FBN3: variants seen among roughly 807,000 people sequenced by gnomAD.
The protein encoded by FBN3 is fibrillin 3.
In FBN3, 234 loss-of-function variants were observed where a neutral mutation model predicts 330.1. The ratio of observed to expected loss-of-function variants is 0.71; its 90% confidence interval spans 0.64 to 0.79. The LOEUF is 0.79. Ranked by LOEUF, FBN3 falls within the 30% of genes least tolerant of loss-of-function variation. The probability of loss-of-function intolerance (pLI) is 0.00; values close to 1 mark genes in which losing one functional copy is unlikely to be tolerated. For synonymous variants in FBN3, 1,458 were observed against 1,517.3 expected (o/e 0.96, Z 0.91); for missense variants, 3,606 against 3,886.9 (o/e 0.93, Z 1.92).
chr19:8,102,592 G>T, intron 40 of FBN3, 132 bp downstream of exon 40: 1 of 856,446 alleles, frequency 1.2e-6, no homozygotes. Flanking sequence ...CTAATAGAGG[G>T]ACAAAACTTC....
At chr19:8,094,973 T>A (rs892455270) in intron 46 of FBN3, among the ~76,000 whole-genome samples, 1 of 152,168 alleles carries the variant, frequency 6.6e-6, no homozygotes, top group African/African-American at 2.4e-5. Context: ...ATAATTATTT[T>A]ATTTATTTAT....
chr19:8,134,719 A>AACCC (rs1482635101), intron 13 of FBN3, among the ~76,000 whole-genome samples: 1 of 151,978 alleles, frequency 6.6e-6, no homozygotes, highest in Non-Finnish European at 1.5e-5. Context: ...GGATCACCTG[A>AACCC]GGTCAGGAGT....
rs34549426 is a variant in FBN3, at chr19:8,076,247, C to CGTGT, written c.7454-840_7454-837dup. Among the ~76,000 whole-genome samples, 414 of 147,750 alleles carry CGTGT rather than the reference C, an allele frequency of 2.8e-3. 2 individuals are homozygous for CGTGT. Among genetic ancestry groups the CGTGT allele is most frequent in the South Asian group, 0.018 (80 of 4,544 alleles). ...AACCAGTGTATGGGTTGTCCGTGTG[C>CGTGT]GTGTGTGTGTGTGTGTGTGTGTGTG... is the stretch of plus-strand genomic sequence containing the variant. On this transcript the variant is annotated intron_variant, in intron 59 of 63. Coordinates refer to ENST00000600128, the MANE Select transcript of FBN3 (RefSeq NM_032447.5).
chr19:8,095,639 A>T lies in FBN3; in HGVS notation c.5657-136T>A, dbSNP rs2082192858. On this transcript the variant is annotated intron_variant, in intron 45 of 63. Transcript: ENST00000600128. ...GAGCACTCATGTATAGACTATGTATATTAGCCTTCTACCTATCTTATGAGG... is the reference window on the plus strand; with the variant it reads ...GAGCACTCATGTATAGACTATGTATTTTAGCCTTCTACCTATCTTATGAGG... 21 of 846,970 alleles carry T rather than the reference A, an allele frequency of 2.5e-5. No individual in the cohort carries two copies. In the South Asian group the frequency reaches 3.8e-4, roughly 15 times the overall value. 52.5% of individuals were successfully genotyped at this position (846,970 alleles called of 1,614,324 possible). A position where few individuals can be genotyped will look rare whatever the true frequency, so the allele number is the denominator to read the frequency against.
At chr19:8,117,854 C>T (rs1267958995) in intron 26 of FBN3, among the ~76,000 whole-genome samples, 1 of 152,034 alleles carries the variant, frequency 6.6e-6, no homozygotes, top group Non-Finnish European at 1.5e-5. Flanking sequence ...CGTGTGAACA[C>T]ACTCACCCTT....
At chr19:8,081,589 T>TA in intron 57 of FBN3, 109 bp from the exon 58 acceptor site, 2 of 1,265,638 alleles carry the variant, frequency 1.6e-6, no homozygotes, top group Non-Finnish European at 2.2e-6. Context: ...TCTGTGGACT[T>TA]ACACAGGAAT....
At chr19:8,147,078 C>CA in intron 3 of FBN3, 26 bp downstream of exon 3, 1 of 1,539,154 alleles carries the variant, frequency 6.5e-7, no homozygotes, top group Non-Finnish European at 8.7e-7. Context: ...TGTGCCCCCC[C>CA]ACCTCCAGAC....
intron 25 of FBN3, among the ~76,000 whole-genome samples, chr19:8,120,719 C>T (rs1208131079): frequency 3.3e-5 from 5 of 152,146 alleles, no homozygotes; most frequent in South Asian, 4.1e-4. Context: ...TCAAGCAATC[C>T]TACTGCCTCA....
intron 26 of FBN3, among the ~76,000 whole-genome samples, chr19:8,118,598 C>T (rs1011707022): frequency 4.2e-5 from 6 of 144,168 alleles, no homozygotes; most frequent in African/African-American, 1.6e-4. Context: ...CACATACAAA[C>T]ACTCCCCCTT....
rs1347338333 is a variant in FBN3 at position 8,082,367 on chromosome 19, TTTC to T, written c.7213+877_7213+879del. On this transcript the variant is annotated intron_variant, in intron 57 of 63. Transcript: ENST00000600128. ...TCTTTTTGTCTCTCTCTCTTTCTTTTTTCTTTCTTTCTCTTCTTTCTTCTCTTT... is the reference window on the plus strand; with the variant it reads ...TCTTTTTGTCTCTCTCTCTTTCTTTTTTTCTTTCTCTTCTTTCTTCTCTTT... Among the ~76,000 whole-genome samples, 6 of 67,542 alleles carry T rather than the reference TTTC, an allele frequency of 8.9e-5. No individual in the cohort carries two copies. The Admixed American group carries it at 9.1e-4, about 10-fold the overall frequency. 44.3% of individuals were successfully genotyped at this position (67,542 alleles called of 152,430 possible). A position where few individuals can be genotyped will look rare whatever the true frequency, so the allele number is the denominator to read the frequency against.
chr19:8,096,383 A>T lies in FBN3; in HGVS notation c.5539+61T>A, dbSNP rs1202548197. The T allele has an allele frequency of 2.1e-5, 33 of 1,568,670 alleles. No individual in the cohort carries two copies. The highest frequency in any genetic ancestry group is 2.9e-5 in the Non-Finnish European group (33 of 1,154,392). ...TGGACAGAAACACCACTTCCATCCC[A>T]GGGGAGGTTTAGACCCCAGGCAGCC... On this transcript the variant is annotated intron_variant, in intron 44 of 63. Coordinates refer to ENST00000600128, the MANE Select transcript of FBN3 (RefSeq NM_032447.5). This position sits in a 1 kb window ranked among gnomAD's most constrained non-coding sequence, Gnocchi z 4.6.
intron 37 of FBN3, 117 bp from the exon 38 acceptor site, chr19:8,106,350 C>T (rs1018858988): frequency 7.9e-6 from 8 of 1,017,474 alleles, no homozygotes; most frequent in Non-Finnish European, 1.2e-5. Context: ...AAGTGCTGTC[C>T]ATGACTGATA....
chr19:8,074,861 C>A, intron 61 of FBN3: 2 of 558,942 alleles, frequency 3.6e-6, no homozygotes, highest in East Asian at 6.5e-5. Context: ...GCCACCATGC[C>A]CTAAGGAATG....
chr19:8,079,514 T>C (rs2081724115), intron 59 of FBN3, among the ~76,000 whole-genome samples: 1 of 152,208 alleles, frequency 6.6e-6, no homozygotes, highest in African/African-American at 2.4e-5. Context: ...GGCCCTCTCC[T>C]TCTTTCCTGA....
At chr19:8,135,936 G>GAGCCCCC in intron 13 of FBN3, 25 bp downstream of exon 13, 1 of 668,778 alleles carries the variant, frequency 1.5e-6, no homozygotes, top group South Asian at 1.6e-5. Context: ...GGAAGCCCCT[G>GAGCCCCC]CCCACCCGCC....
intron 37 of FBN3, 28 bp from the exon 38 acceptor site, chr19:8,106,261 G>C: frequency 6.2e-7 from 1 of 1,613,772 alleles, no homozygotes; most frequent in Non-Finnish European, 8.5e-7. Context: ...AGCCAAGCTT[G>C]GGAGCTAAAC....
chr19:8,145,891 C>T lies in FBN3; in HGVS notation c.397G>A (p.Ala133Thr). ...TAGCCCTTCTGACACAGACAGGACG[C>T]CCCCCGGCAGGTGCCCCCATTCATA... The part of the protein sequence containing the change: ...SCMNGGTCRG[A>T]SCLCQKGYTG... Residue 133 changes from alanine (A) to threonine (T), a missense_variant, in exon 5 of 64, where the codon GCG (alanine) becomes ACG (threonine). Ala to Thr is a moderately conservative substitution (Grantham distance 58). Coordinates refer to ENST00000600128, the MANE Select transcript of FBN3 (RefSeq NM_032447.5). The T allele has an allele frequency of 2.6e-6, 4 of 1,551,172 alleles. No individual in the cohort carries two copies. The highest frequency in any genetic ancestry group is 1.2e-5 in the South Asian group (1 of 84,060).
chr19:8,095,239 G>A, intron 46 of FBN3, 136 bp downstream of exon 46: 1 of 924,956 alleles, frequency 1.1e-6, no homozygotes, highest in Non-Finnish European at 1.5e-6. Flanking sequence ...CCAAAGTGCT[G>A]GGTATTTTTT....
At chr19:8,123,660 G>A (rs2144912465) in intron 23 of FBN3, 71 bp from the exon 24 acceptor site, 2 of 1,603,194 alleles carry the variant, frequency 1.2e-6, no homozygotes, top group South Asian at 1.1e-5. Context: ...CCCTCCCTGG[G>A]TTCTTAGTGC....
Sources: gnomAD v4.1 joint callset for allele counts (sites outside exome capture counted in the v4.1 genomes callset) on GRCh38, gnomAD v4.1.1 for gene constraint, Gnocchi (gnomAD v3.1) non-coding constraint, MANE v1.5 for transcripts, NCBI Gene and HGNC (gene_info 2026-07-23, HGNC 2026-07-21) for gene names.